Variants in FLRT2 observed in about 807,000 individuals in gnomAD.
The protein encoded by FLRT2 is leucine-rich repeat transmembrane protein FLRT2.
FLRT2 carries 15 observed loss-of-function variants against 40.0 expected under a neutral mutation model. The ratio of observed to expected loss-of-function variants is 0.38; its 90% CI spans 0.25 to 0.58. The LOEUF is 0.58. Among genes scored for constraint, FLRT2 ranks in the 20% least tolerant of loss-of-function variants. The pLI, the probability that FLRT2 is intolerant of heterozygous loss-of-function variation, is 0.71. For missense variants in FLRT2, 726 were observed against 840.0 expected (o/e 0.86, Z 1.68); for synonymous variants, 380 against 336.8 (o/e 1.13, Z -1.41).
intron 1 of FLRT2, among the ~76,000 whole-genome samples, chr14:85,614,333 C>G (rs1215234190): frequency 6.6e-6 from 1 of 151,188 alleles, no homozygotes; most frequent in Non-Finnish European, 1.5e-5. Context: ...ATCTAATCCT[C>G]CCAACAATTT....
chr14:85,538,500 A>C (rs1888802108), intron 1 of FLRT2, among the ~76,000 whole-genome samples: 1 of 151,612 alleles, frequency 6.6e-6, no homozygotes, highest in African/African-American at 2.4e-5. Flanking sequence ...GGGAATGTGC[A>C]AGAAACTTGG....
chr14:85,610,379 G>T (rs1014815687), intron 1 of FLRT2, among the ~76,000 whole-genome samples: 1 of 152,076 alleles, frequency 6.6e-6, no homozygotes, highest in Non-Finnish European at 1.5e-5. Context: ...TACTTCTCAA[G>T]AACTTCTTTC....
At chr14:85,541,583 T>C (rs988419874) in intron 1 of FLRT2, among the ~76,000 whole-genome samples, 2 of 152,166 alleles carry the variant, frequency 1.3e-5, no homozygotes, top group African/African-American at 4.8e-5. Flanking sequence ...CTATTAATTT[T>C]AGGATTGAGA....
Position 85,564,552 on chromosome 14 carries a change from A to G in FLRT2, c.-377+34018A>G, listed in dbSNP as rs567468020. ...GTATTCGTGGAAGATTTATTAAAGG[A>G]TATTTTGACATTGGCAAAAGGGCTA... On this transcript the variant is annotated intron_variant, in intron 1 of 1. Coordinates refer to ENST00000330753, the MANE Select transcript of FLRT2 (RefSeq NM_013231.6). 3.3e-5 allele frequency among the ~76,000 whole-genome samples: 5 copies of G among 152,290 alleles called. No individual in the cohort carries two copies. In the East Asian group the frequency reaches 7.7e-4, roughly 24 times the overall value.
intron 1 of FLRT2, among the ~76,000 whole-genome samples, chr14:85,566,002 C>A (rs1229020220): frequency 6.6e-6 from 1 of 152,116 alleles, no homozygotes; most frequent in African/African-American, 2.4e-5. Flanking sequence ...GCCACCCCTC[C>A]CACCCCGATG....
At chr14:85,616,695 A>G (rs765798326) in intron 1 of FLRT2, among the ~76,000 whole-genome samples, 10 of 152,134 alleles carry the variant, frequency 6.6e-5, no homozygotes, top group Admixed American at 1.3e-4. Flanking sequence ...GCTAGGGTAG[A>G]ACTCTTTCCA....
In FLRT2 at chr14:85,621,707, G is replaced by A. The variant is rs200776611; in HGVS notation, c.193G>A (p.Val65Ile). 2.7e-5 allele frequency: 43 copies of A among 1,614,096 alleles called. No individual in the cohort carries two copies. Among genetic ancestry groups the A allele is most frequent in the South Asian group, 1.3e-4 (12 of 91,076 alleles). ...AGTGCCTCTTGGGATCCCGGAGGGCGTAACTGTACTCTACCTCCACAACAA... is the reference window on the plus strand; with the variant it reads ...AGTGCCTCTTGGGATCCCGGAGGGCATAACTGTACTCTACCTCCACAACAA... ...TSVPLGIPEG[V>I]TVLYLHNNQI... The change falls in exon 2 of 2, where the codon GTA becomes ATA. Residue 65 changes from valine to isoleucine, a missense_variant. Coordinates refer to ENST00000330753, the MANE Select transcript of FLRT2 (RefSeq NM_013231.6).
chr14:85,566,578 C>A (rs1595033431), intron 1 of FLRT2, among the ~76,000 whole-genome samples: 1 of 43,140 alleles, frequency 2.3e-5, no homozygotes, highest in Admixed American at 2.2e-4. Context: ...TGTGTGTGTG[C>A]AAGATAGAAA....
intron 1 of FLRT2, among the ~76,000 whole-genome samples, chr14:85,598,919 T>TTG (rs1892256392): frequency 6.8e-6 from 1 of 147,404 alleles, no homozygotes; most frequent in Admixed American, 6.8e-5. Flanking sequence ...TGGGATGGTT[T>TTG]TTTTTTTTTT....
chr14:85,603,097 C>T (rs1892451389), intron 1 of FLRT2, among the ~76,000 whole-genome samples: 1 of 152,022 alleles, frequency 6.6e-6, no homozygotes, highest in Non-Finnish European at 1.5e-5. Flanking sequence ...TTTGTTGATA[C>T]CTCTTTGGCA....
intron 1 of FLRT2, among the ~76,000 whole-genome samples, chr14:85,541,698 C>T (rs1347693225): frequency 1.3e-5 from 2 of 152,146 alleles, no homozygotes; most frequent in Non-Finnish European, 2.9e-5. Context: ...ATTGTCTTAC[C>T]ATTACCTTCT....
At chr14:85,601,169 G>A (rs1432793190) in intron 1 of FLRT2, among the ~76,000 whole-genome samples, 1 of 152,114 alleles carries the variant, frequency 6.6e-6, no homozygotes, top group East Asian at 1.9e-4. Flanking sequence ...AGTGCTGTAG[G>A]TAGTGTAGGA....
intron 1 of FLRT2, among the ~76,000 whole-genome samples, chr14:85,542,194 A>C (rs1889020916): frequency 6.6e-6 from 1 of 152,184 alleles, no homozygotes; most frequent in South Asian, 2.1e-4. Context: ...AATTAAGTAA[A>C]GGAACTTCTT....
At chr14:85,577,968 C>T (rs545423059) in intron 1 of FLRT2, among the ~76,000 whole-genome samples, 16 of 151,788 alleles carry the variant, frequency 1.1e-4, no homozygotes, top group Admixed American at 2.6e-4. Context: ...CAGGAAATGG[C>T]TATCACTGTC....
At chr14:85,595,989 C>CT (rs1289274842) in intron 1 of FLRT2, among the ~76,000 whole-genome samples, 4 of 152,264 alleles carry the variant, frequency 2.6e-5, no homozygotes, top group South Asian at 2.1e-4. Context: ...GTTTGGAGGT[C>CT]TTTGAGATTT....
chr14:85,624,279 G>T lies in FLRT2; in HGVS notation c.*782G>T, dbSNP rs1486693956. 6.0e-6 allele frequency: 1 copy of T among 167,038 alleles called. No individual in the cohort carries two copies. The highest frequency in any genetic ancestry group is 1.5e-5 in the Non-Finnish European group (1 of 68,112). 10.3% of individuals were successfully genotyped at this position (167,038 alleles called of 1,614,324 possible). ...GACCAGTCTGATGTTGTAGCAAGAAGACTCCCTTTAAAAGTGTTACTGTTC... is the reference window on the plus strand; with the variant it reads ...GACCAGTCTGATGTTGTAGCAAGAATACTCCCTTTAAAAGTGTTACTGTTC... On this transcript the variant is annotated 3_prime_UTR_variant, in exon 2 of 2. Transcript: ENST00000330753.
intron 1 of FLRT2, among the ~76,000 whole-genome samples, chr14:85,547,616 T>C (rs968306633): frequency 1.3e-5 from 2 of 152,140 alleles, no homozygotes; most frequent in East Asian, 3.9e-4. Flanking sequence ...GCCACCTTGC[T>C]CGGCCGCTTT....
Position 85,647,653 on chromosome 14 carries a change from A to G in FLRT2, c.*24156A>G, listed in dbSNP as rs1237128214. The G allele has an allele frequency of 8.9e-6, 1 of 112,718 alleles. No individual in the cohort carries two copies. The highest frequency in any genetic ancestry group is 1.8e-5 in the Non-Finnish European group (1 of 55,970). 7.0% of individuals were successfully genotyped at this position (112,718 alleles called of 1,614,324 possible). A position where few individuals can be genotyped will look rare whatever the true frequency, so the allele number is the denominator to read the frequency against. On this transcript the variant is annotated 3_prime_UTR_variant, in exon 2 of 2. Coordinates refer to ENST00000330753, the MANE Select transcript of FLRT2 (RefSeq NM_013231.6). ...ACAATTGGTCCTGATTATTAAGGAGAGTAAGTTTTTCCTACAAAGAGATGT... is the reference window on the plus strand; with the variant it reads ...ACAATTGGTCCTGATTATTAAGGAGGGTAAGTTTTTCCTACAAAGAGATGT...
rs1245245136 is a variant in FLRT2 at position 85,651,774 on chromosome 14, T to A, written c.*28277T>A. ...AAGGAGGTTTTACTTTTTCCCTCAA[T>A]GGATTTGGAAGATATATGTTCTATT... On this transcript the variant is annotated 3_prime_UTR_variant, in exon 2 of 2. Transcript: ENST00000330753. 3 of 152,126 alleles carry A rather than the reference T, an allele frequency of 2.0e-5. No individual in the cohort carries two copies. The highest frequency in any genetic ancestry group is 2.9e-5 in the Non-Finnish European group (2 of 67,996). The allele number at this position is 152,126 out of a possible 1,614,324, so 9.4% of individuals were successfully genotyped here.
Sources: gnomAD v4.1 joint callset for allele counts (sites outside exome capture counted in the v4.1 genomes callset) on GRCh38, gnomAD v4.1.1 for gene constraint, MANE v1.5 for transcripts, NCBI Gene and HGNC (gene_info 2026-07-23, HGNC 2026-07-21) for gene names.